Variants in RBFOX1 observed in about 807,000 individuals in gnomAD.
The protein encoded by RBFOX1 is RNA binding fox-1 homolog 1.
RBFOX1 carries 8 observed loss-of-function variants against 57.7 expected under a neutral mutation model. That is an observed-to-expected ratio of 0.14 (90% confidence interval 0.08 to 0.25). RBFOX1 has a LOEUF of 0.25. Among genes scored for constraint, RBFOX1 ranks in the 10% least tolerant of loss-of-function variants. The probability of loss-of-function intolerance (pLI) is 1.00; values close to 1 mark genes in which losing one functional copy is unlikely to be tolerated. For missense variants in RBFOX1, 611 were observed against 548.5 expected, an observed-to-expected ratio of 1.11 and a Z score of -1.14; for synonymous variants, 326 against 222.4, an observed-to-expected ratio of 1.47 and a Z score of -4.15.
chr16:7,408,956 G>T (rs1183472898), intron 4 of RBFOX1, among the ~76,000 whole-genome samples: 1 of 152,148 alleles, frequency 6.6e-6, no homozygotes, highest in African/African-American at 2.4e-5. Context: ...GTCATCCCAG[G>T]TGAACTTTTC....
At chr16:5,619,391 C>G (rs981763725) in intron 3 of RBFOX1, among the ~76,000 whole-genome samples, 2 of 152,032 alleles carry the variant, frequency 1.3e-5, no homozygotes, top group Non-Finnish European at 2.9e-5. Flanking sequence ...GCAGGGAGGC[C>G]CAGAGACCTG....
At chr16:5,859,345 G>C (rs1286017111) in intron 3 of RBFOX1, among the ~76,000 whole-genome samples, 1 of 152,188 alleles carries the variant, frequency 6.6e-6, no homozygotes, top group East Asian at 1.9e-4. Flanking sequence ...CAAAACCACA[G>C]CTATCCATTC....
intron 4 of RBFOX1, among the ~76,000 whole-genome samples, chr16:7,413,991 A>G (rs1047872584): frequency 2.0e-5 from 3 of 152,170 alleles, no homozygotes; most frequent in East Asian, 1.9e-4. Flanking sequence ...GTTGGTGACT[A>G]TCATCACCTC....
chr16:5,750,776 G>A (rs1249026589), intron 3 of RBFOX1, among the ~76,000 whole-genome samples: 2 of 152,186 alleles, frequency 1.3e-5, no homozygotes, highest in African/African-American at 2.4e-5. Flanking sequence ...AGCTTCCCTT[G>A]GCTAGGAAAG....
At chr16:6,873,114 TTA>T (rs2061236821) in intron 3 of RBFOX1, among the ~76,000 whole-genome samples, 1 of 152,016 alleles carries the variant, frequency 6.6e-6, no homozygotes, top group Admixed American at 6.5e-5. Context: ...TGAGAAACTT[TTA>T]GTTTCTATGC....
intron 4 of RBFOX1, among the ~76,000 whole-genome samples, chr16:7,336,857 G>C (rs978821862): frequency 6.6e-6 from 1 of 152,158 alleles, no homozygotes; most frequent in African/African-American, 2.4e-5. Context: ...ACAGAAACTT[G>C]ACCTGAAATG....
chr16:7,009,300 T>G (rs2153652586), intron 3 of RBFOX1, among the ~76,000 whole-genome samples: 1 of 149,202 alleles, frequency 6.7e-6, no homozygotes, highest in African/African-American at 2.5e-5. Context: ...ACTCTCTGTC[T>G]CTTCCTTCTT....
intron 15 of RBFOX1, chr16:7,709,674 A>C: frequency 6.9e-7 from 1 of 1,448,960 alleles, no homozygotes; most frequent in Non-Finnish European, 9.1e-7. Flanking sequence ...TACCTAGTAC[A>C]TAAGAAAGTA....
At chr16:5,375,997 T>C (rs1375172983) in intron 1 of RBFOX1, among the ~76,000 whole-genome samples, 2 of 151,798 alleles carry the variant, frequency 1.3e-5, no homozygotes, top group African/African-American at 4.8e-5. Context: ...CAAAACCCCA[T>C]CTCTACTAAA....
At chr16:5,864,099 A>G (rs563105489) in intron 3 of RBFOX1, among the ~76,000 whole-genome samples, 8 of 152,086 alleles carry the variant, frequency 5.3e-5, no homozygotes, top group African/African-American at 9.6e-5. Flanking sequence ...GTTCCTTTCT[A>G]TGTGTCCATG....
intron 2 of RBFOX1, among the ~76,000 whole-genome samples, chr16:6,493,247 T>C (rs2095675456): frequency 6.6e-6 from 1 of 152,238 alleles, no homozygotes; most frequent in African/African-American, 2.4e-5. Flanking sequence ...GATTCACAGT[T>C]ATGTTTTGGT....
At chr16:7,166,122 T>C (rs543861329) in intron 4 of RBFOX1, among the ~76,000 whole-genome samples, 1 of 152,244 alleles carries the variant, frequency 6.6e-6, no homozygotes, top group Admixed American at 6.5e-5. Context: ...CAAGTGATTC[T>C]CCTGCTTCAG....
intron 3 of RBFOX1, among the ~76,000 whole-genome samples, chr16:5,781,765 C>G (rs1473500543): frequency 1.1e-4 from 17 of 152,212 alleles, no homozygotes. Context: ...TTGAAATTTT[C>G]TGTTCTAGAG....
At chr16:5,955,626 T>G (rs992325661) in intron 4 of RBFOX1, among the ~76,000 whole-genome samples, 2 of 152,182 alleles carry the variant, frequency 1.3e-5, no homozygotes, top group East Asian at 3.9e-4. Context: ...CTTTTTGTGA[T>G]GAGCACTGTT....
intron 4 of RBFOX1, among the ~76,000 whole-genome samples, chr16:7,299,369 A>G (rs767183700): frequency 6.6e-6 from 1 of 152,094 alleles, no homozygotes; most frequent in Non-Finnish European, 1.5e-5. Flanking sequence ...CTGCGCTTGT[A>G]TTTCTGCTCT....
chr16:5,540,545 C>T (rs925298864), intron 2 of RBFOX1, among the ~76,000 whole-genome samples: 5 of 152,138 alleles, frequency 3.3e-5, no homozygotes, highest in South Asian at 2.1e-4. Context: ...AGTATAACCC[C>T]GGGAAATCCA....
chr16:7,037,362 C>T (rs1346245361), intron 3 of RBFOX1, among the ~76,000 whole-genome samples: 3 of 151,360 alleles, frequency 2.0e-5, no homozygotes, highest in South Asian at 2.1e-4. Context: ...CTGCCTCAGC[C>T]TCCCAAGTAG....
intron 5 of RBFOX1, among the ~76,000 whole-genome samples, chr16:7,529,877 C>T (rs530869330): frequency 9.2e-5 from 14 of 151,974 alleles, no homozygotes; most frequent in East Asian, 3.9e-4. Context: ...GGCATGGTGG[C>T]GGGCACCTGT....
At position 6,334,713 on chromosome 16, in the gene RBFOX1, T is replaced by C. The variant is rs187539023; in HGVS notation, c.-64+17656T>C. ...CTTGCCAGTTCTCATTCGCAGAGGA[T>C]CCCTGTAGTTCTGTTGAGAATTCAT... On this transcript the variant is annotated intron_variant, in intron 2 of 15. Transcript: ENST00000550418. 4.6e-5 allele frequency among the ~76,000 whole-genome samples: 7 copies of C among 152,222 alleles called. 1 individual carries two copies. The highest frequency in any genetic ancestry group is 2.0e-4 in the Admixed American group (3 of 15,284).
Sources: gnomAD v4.1 joint callset for allele counts (sites outside exome capture counted in the v4.1 genomes callset) on GRCh38, gnomAD v4.1.1 for gene constraint, MANE v1.5 for transcripts, NCBI Gene and HGNC (gene_info 2026-07-23, HGNC 2026-07-21) for gene names.